Variants in PCDHB7 observed in about 807,000 individuals in gnomAD.
PCDHB7 encodes the protein protocadherin beta-7.
For missense variants in PCDHB7, 1,148 were observed against 1,011.6 expected (o/e 1.13, Z -1.83); for synonymous variants, 542 against 463.1 (o/e 1.17, Z -2.19).
In PCDHB7 at chr5:141,175,133, A is replaced by G. The variant is rs1554280471; in HGVS notation, c.2298A>G (p.Lys766=). ...GGACAAATGAGTTCAAGTTTCTGAA[A>G]CCAATTATCCCCAACCTGCTACCCC... ...GSGTNEFKFL[K]PIIPNLLPQS... The change falls in exon 1 of 1, where the codon AAA becomes AAG. Residue 766 remains lysine (K), a synonymous_variant. Transcript: ENST00000231137. 6.2e-7 allele frequency: 1 copy of G among 1,614,248 alleles called. No homozygotes were observed. The highest frequency in any genetic ancestry group is 8.5e-7 in the Non-Finnish European group (1 of 1,180,052).
chr5:141,173,482 A>ACGG lies in PCDHB7; in HGVS notation c.652_654dup (p.Gly218dup). ...TTCAGTTTAACCCTCACCGCTTTAGACGGCGGCTCTCCTCCAAGATCAGGG... is the reference window on the plus strand; with the variant it reads ...TTCAGTTTAACCCTCACCGCTTTAGACGGCGGCGGCTCTCCTCCAAGATCAGGG... On this transcript the variant is annotated inframe_insertion, in exon 1 of 1. Coordinates refer to ENST00000231137, the MANE Select transcript of PCDHB7 (RefSeq NM_018940.4). 3 of 1,614,132 alleles carry ACGG rather than the reference A, an allele frequency of 1.9e-6. No homozygotes were observed. Among genetic ancestry groups the ACGG allele is most frequent in the Non-Finnish European group, 2.5e-6 (3 of 1,180,032 alleles).
chr5:141,174,866 C>G lies in PCDHB7; in HGVS notation c.2031C>G (p.Ala677=), dbSNP rs139833816. ...SQPYLRLPEA[A]PDQANSLTVY... is the part of the protein sequence containing the mutation. ...CCTACCTGCGGCTCCCGGAGGCGGC[C>G]CCGGACCAGGCCAACTCGCTCACCG... Residue 677 remains alanine (A), a synonymous_variant, in exon 1 of 1, where the codon GCC becomes GCG. Coordinates refer to ENST00000231137, the MANE Select transcript of PCDHB7 (RefSeq NM_018940.4). 2.5e-6 allele frequency: 4 copies of G among 1,610,910 alleles called. No individual in the cohort carries two copies. In the African/African-American group the frequency reaches 4.0e-5, roughly 16 times the overall value.
chr5:141,173,566 G>A lies in PCDHB7; in HGVS notation c.731G>A (p.Arg244Gln). 6.2e-7 allele frequency: 1 copy of A among 1,613,498 alleles called. No individual in the cohort carries two copies. Among genetic ancestry groups the A allele is most frequent in the Non-Finnish European group, 8.5e-7 (1 of 1,179,576 alleles). Residue 244 changes from arginine to glutamine, a missense_variant, in exon 1 of 1, where the codon CGG (arginine) becomes CAG (glutamine). By Grantham distance (43) the Arg-to-Gln change is conservative (BLOSUM62 1). Transcript: ENST00000231137. ...AATGACAACGCCCCTGATTTTGTGC[G>A]GTCGCTCTACAAGGTGCAGGTGCCC... Reference protein sequence around the residue: ...DVNDNAPDFVRSLYKVQVPEN... With the variant: ...DVNDNAPDFVQSLYKVQVPEN...
In PCDHB7 at chr5:141,175,790, C is replaced by T. The variant is rs1753367068; in HGVS notation, c.*573C>T. ...GATCTGTCTGACTCTGGGTCAGTGA[C>T]CCTGCTCCGATTCCATACTGTTTTC... On this transcript the variant is annotated 3_prime_UTR_variant, in exon 1 of 1. Transcript: ENST00000231137. 1 of 168,914 alleles carries T rather than the reference C, an allele frequency of 5.9e-6. No individual in the cohort carries two copies. The highest frequency in any genetic ancestry group is 2.4e-5 in the African/African-American group (1 of 41,470). 10.5% of individuals were successfully genotyped at this position (168,914 alleles called of 1,614,324 possible).
chr5:141,172,790 C>T lies in PCDHB7; in HGVS notation c.-46C>T, dbSNP rs782141015. 6.6e-7 allele frequency: 1 copy of T among 1,509,704 alleles called. No individual in the cohort carries two copies. The highest frequency in any genetic ancestry group is 9.1e-7 in the Non-Finnish European group (1 of 1,098,604). The allele number at this position is 1,509,704 out of a possible 1,614,324, so 93.5% of individuals were successfully genotyped here. A position where few individuals can be genotyped will look rare whatever the true frequency, so the allele number is the denominator to read the frequency against. Reference sequence around the variant, plus strand: ...CCGCTGCTGCCATTTGTGAGAGCCGCTGGAGGCTGAGTGAAAGTCATTTTG... The same window carrying T: ...CCGCTGCTGCCATTTGTGAGAGCCGTTGGAGGCTGAGTGAAAGTCATTTTG... On this transcript the variant is annotated 5_prime_UTR_variant, in exon 1 of 1. Coordinates refer to ENST00000231137, the MANE Select transcript of PCDHB7 (RefSeq NM_018940.4).
Position 141,173,854 on chromosome 5 carries a change from T to A in PCDHB7, c.1019T>A (p.Ile340Lys). The A allele has an allele frequency of 6.2e-7, 1 of 1,614,076 alleles. No individual in the cohort carries two copies. The highest frequency in any genetic ancestry group is 8.5e-7 in the Non-Finnish European group (1 of 1,179,978). The change falls in exon 1 of 1, where the codon ATA (isoleucine) becomes AAA (lysine). Residue 340 changes from isoleucine to lysine, a missense_variant. Ile to Lys is a moderately radical substitution (Grantham distance 102). Transcript: ENST00000231137. ...ACTGTAGTGGTTGATGTAACAGATATAAACGATAATCGACCCGAGCTGCTC... is the reference window on the plus strand; with the variant it reads ...ACTGTAGTGGTTGATGTAACAGATAAAAACGATAATCGACCCGAGCTGCTC... The part of the protein sequence containing the change: ...KCTVVVDVTD[I>K]NDNRPELLLS...
rs1554279844 is a variant in PCDHB7, at chr5:141,172,908, T to C, written c.73T>C (p.Trp25Arg). The change falls in exon 1 of 1, where the codon TGG becomes CGG. Residue 25 changes from tryptophan (W) to arginine (R), a missense_variant. Transcript: ENST00000231137. ...TCTTTGTGTATTTCTGGGAATGTCT[T>C]GGGCTGGCGCCGAACCGCTTCGGTA... is the stretch of plus-strand genomic sequence containing the variant. ...LFLCVFLGMSWAGAEPLRYFV... is the reference protein window; with the variant it reads ...LFLCVFLGMSRAGAEPLRYFV... The C allele has an allele frequency of 1.2e-6, 2 of 1,614,094 alleles. No homozygotes were observed. The highest frequency in any genetic ancestry group is 1.3e-5 in the African/African-American group (1 of 74,930).
chr5:141,173,495 T>TGATCGCTTTAGACGG lies in PCDHB7; in HGVS notation c.660_661insGATCGCTTTAGACGG (p.Pro220_Pro221insAspArgPheArgArg). On this transcript the variant is annotated inframe_insertion, in exon 1 of 1. Transcript: ENST00000231137. The stretch of plus-strand genomic sequence containing the variant: ...TCACCGCTTTAGACGGCGGCTCTCC[T>TGATCGCTTTAGACGG]CCAAGATCAGGGACCGCCCTCGTGC... 1.2e-6 allele frequency: 2 copies of TGATCGCTTTAGACGG among 1,614,142 alleles called. No homozygotes were observed. The highest frequency in any genetic ancestry group is 1.7e-6 in the Non-Finnish European group (2 of 1,180,016).
chr5:141,174,572 G>T lies in PCDHB7; in HGVS notation c.1737G>T (p.Ala579=). ...SAPCTEPLPR[A]AEPGYLVTKV... is the part of the protein sequence containing the mutation. ...CCTGCACCGAGCCGTTGCCCCGGGC[G>T]GCCGAGCCGGGCTACCTGGTGACCA... Residue 579 remains alanine, a synonymous_variant, in exon 1 of 1, where the codon GCG becomes GCT. Coordinates refer to ENST00000231137, the MANE Select transcript of PCDHB7 (RefSeq NM_018940.4). The T allele has an allele frequency of 1.9e-6, 3 of 1,610,270 alleles. No homozygotes were observed. Among genetic ancestry groups the T allele is most frequent in the Non-Finnish European group, 2.5e-6 (3 of 1,179,632 alleles).
At position 141,174,107 on chromosome 5, in the gene PCDHB7, C is replaced by G. The variant is rs200542676; in HGVS notation, c.1272C>G (p.Thr424=). Residue 424 remains threonine, a synonymous_variant, in exon 1 of 1, where the codon ACC becomes ACG. Transcript: ENST00000231137. ...AGTACAACATCACCATCACCGTCAC[C>G]GACTTGGGGACACCCAGGCTGAAAA... is the stretch of plus-strand genomic sequence containing the variant. ...NTEYNITITV[T]DLGTPRLKTE... is the part of the protein sequence containing the mutation. The G allele has an allele frequency of 1.2e-6, 2 of 1,614,058 alleles. No individual in the cohort carries two copies. Among genetic ancestry groups the G allele is most frequent in the East Asian group, 2.2e-5 (1 of 44,876 alleles).
In PCDHB7 at chr5:141,175,254, T is replaced by A; in HGVS notation, c.*37T>A. 6.4e-7 allele frequency: 1 copy of A among 1,557,720 alleles called. No homozygotes were observed. The highest frequency in any genetic ancestry group is 8.7e-7 in the Non-Finnish European group (1 of 1,148,828). On this transcript the variant is annotated 3_prime_UTR_variant, in exon 1 of 1. Coordinates refer to ENST00000231137, the MANE Select transcript of PCDHB7 (RefSeq NM_018940.4). ...AACTAAATCCGCGTCTGTGAATACG[T>A]TTCTGATTAGGAACTTATTGCGAGG...
Position 141,175,095 on chromosome 5 carries a change from A to C in PCDHB7, c.2260A>C (p.Thr754Pro). ...GAGCTACCAGTATGAGGTGTGCCTG[A>C]CTGGAGGCTCCGGGACAAATGAGTT... ...SQSYQYEVCLTGGSGTNEFKF... is the reference protein window; with the variant it reads ...SQSYQYEVCLPGGSGTNEFKF... The change falls in exon 1 of 1, where the codon ACT becomes CCT. Residue 754 changes from threonine to proline, a missense_variant. By Grantham distance (38) the Thr-to-Pro change is conservative. Transcript: ENST00000231137. 6.2e-7 allele frequency: 1 copy of C among 1,614,252 alleles called. No individual in the cohort carries two copies. Among genetic ancestry groups the C allele is most frequent in the African/African-American group, 1.3e-5 (1 of 75,052 alleles).
Position 141,173,009 on chromosome 5 carries a change from A to T in PCDHB7, c.174A>T (p.Glu58Asp), listed in dbSNP as rs1753251607. Residue 58 changes from glutamate (E) to aspartate (D), a missense_variant, in exon 1 of 1, where the codon GAA (glutamate) becomes GAT (aspartate). Transcript: ENST00000231137. ...AAGACCTAGGGTTAGGGGTAGGGGAACTGAGAGCCCGGGGAACTAGAATTG... is the reference window on the plus strand; with the variant it reads ...AAGACCTAGGGTTAGGGGTAGGGGATCTGAGAGCCCGGGGAACTAGAATTG... ...LAKDLGLGVG[E>D]LRARGTRIVS... 6.2e-7 allele frequency: 1 copy of T among 1,614,024 alleles called. No homozygotes were observed. The highest frequency in any genetic ancestry group is 1.7e-5 in the Admixed American group (1 of 60,006).
chr5:141,174,936 C>T lies in PCDHB7; in HGVS notation c.2101C>T (p.Leu701Phe), dbSNP rs11750810. Residue 701 changes from leucine (L) to phenylalanine (F), a missense_variant, in exon 1 of 1, where the codon CTC (leucine) becomes TTC (phenylalanine). Coordinates refer to ENST00000231137, the MANE Select transcript of PCDHB7 (RefSeq NM_018940.4). ...ALASVSSLFL[L>F]SVLLFVAVRL... is the part of the protein sequence containing the mutation. ...GGCCTCGGTGTCTTCGCTCTTCCTC[C>T]TCTCGGTGCTCCTGTTCGTGGCGGT... The T allele has an allele frequency of 2.4e-4, 388 of 1,610,870 alleles. 1 individual carries two copies. The highest frequency in any genetic ancestry group is 2.6e-4 in the Non-Finnish European group (303 of 1,178,438).
chr5:141,174,879 A>AGGCCG lies in PCDHB7; in HGVS notation c.2044_2045insGGCCG (p.Asn682ArgfsTer58). The AGGCCG allele has an allele frequency of 6.2e-7, 1 of 1,610,928 alleles. No homozygotes were observed. The highest frequency in any genetic ancestry group is 1.1e-5 in the South Asian group (1 of 90,994). On this transcript the variant is annotated frameshift_variant, in exon 1 of 1. Transcript: ENST00000231137. LOFTEE classifies it low-confidence loss of function (END_TRUNC). The stretch of plus-strand genomic sequence containing the variant: ...CCCGGAGGCGGCCCCGGACCAGGCC[A>AGGCCG]ACTCGCTCACCGTCTACCTGGTGGT...
rs1478235391 is a variant in PCDHB7 at position 141,176,053 on chromosome 5, CTTCTCCT to C, written c.*841_*847del. ...ACAAAATTGAAAGGGCAACCTGTGC[CTTCTCCT>C]TTCTTCAGAACATATGACTTTCATT... On this transcript the variant is annotated 3_prime_UTR_variant, in exon 1 of 1. Coordinates refer to ENST00000231137, the MANE Select transcript of PCDHB7 (RefSeq NM_018940.4). The C allele has an allele frequency of 6.0e-6, 1 of 167,226 alleles. No homozygotes were observed. The highest frequency in any genetic ancestry group is 1.9e-4 in the East Asian group (1 of 5,206). 10.4% of individuals were successfully genotyped at this position (167,226 alleles called of 1,614,324 possible). A position where few individuals can be genotyped will look rare whatever the true frequency, so the allele number is the denominator to read the frequency against.
rs782035448 is a variant in PCDHB7 at position 141,174,710 on chromosome 5, T to C, written c.1875T>C (p.Arg625=). 303 of 1,610,436 alleles carry C rather than the reference T, an allele frequency of 1.9e-4. 2 individuals carry two copies. The highest frequency in any genetic ancestry group is 1.6e-3 in the South Asian group (146 of 90,934). ...FGVWAHNGEV[R]TARLLSERDA... ...TGTGGGCGCACAATGGCGAGGTGCG[T>C]ACCGCCAGGCTGCTGAGCGAGCGCG... Residue 625 remains arginine (R), a synonymous_variant, in exon 1 of 1, where the codon CGT becomes CGC. Transcript: ENST00000231137.
rs1296978854 is a variant in PCDHB7 at position 141,173,762 on chromosome 5, T to C, written c.927T>C (p.Tyr309=). The change falls in exon 1 of 1, where the codon TAT becomes TAC. Residue 309 remains tyrosine (Y), a synonymous_variant. Transcript: ENST00000231137. ...TTCATCTTAAAGCGCAATTGGACTA[T>C]GAGGCAATTCAAACTTACACATTAA... ...GSLHLKAQLD[Y]EAIQTYTLTI... The C allele has an allele frequency of 6.2e-7, 1 of 1,614,092 alleles. No individual in the cohort carries two copies. Among genetic ancestry groups the C allele is most frequent in the Non-Finnish European group, 8.5e-7 (1 of 1,180,002 alleles).
In PCDHB7 at chr5:141,173,429, A is replaced by G. The variant is rs1753265454; in HGVS notation, c.594A>G (p.Gln198=). Residue 198 remains glutamine, a synonymous_variant, in exon 1 of 1, where the codon CAA becomes CAG. Coordinates refer to ENST00000231137, the MANE Select transcript of PCDHB7 (RefSeq NM_018940.4). ...GNIYPELVLN[Q]VLDREEIPEF... Reference sequence around the variant, plus strand: ...TCTATCCCGAATTGGTGCTGAATCAAGTGCTGGATCGGGAAGAGATACCAG... The same window carrying G: ...TCTATCCCGAATTGGTGCTGAATCAGGTGCTGGATCGGGAAGAGATACCAG... The G allele has an allele frequency of 6.2e-7, 1 of 1,614,200 alleles. No individual in the cohort carries two copies.
Sources: gnomAD v4.1 joint callset for allele counts on GRCh38, gnomAD v4.1.1 for gene constraint, MANE v1.5 for transcripts, NCBI Gene and HGNC (gene_info 2026-07-23, HGNC 2026-07-21) for gene names.